Variants in IGF1R observed in about 807,000 individuals in gnomAD.
IGF1R encodes the protein insulin like growth factor 1 receptor.
Under a neutral mutation model 144.6 loss-of-function variants are expected in IGF1R, and 44 were observed. That is an observed-to-expected ratio of 0.30 (90% CI 0.24 to 0.39). The LOEUF (loss-of-function observed/expected upper bound fraction) is 0.39, where lower values mean the gene tolerates loss of function less well. Among genes scored for constraint, IGF1R ranks in the 10% least tolerant of loss-of-function variants. IGF1R has a pLI of 1.00. For missense variants in IGF1R, 1,355 were observed against 1,833.7 expected (o/e 0.74, Z 4.77); for synonymous variants, 795 against 722.8 (o/e 1.10, Z -1.60).
chr15:98,949,655 G>A (rs1029543897), intron 20 of IGF1R, among the ~76,000 whole-genome samples: 7 of 152,184 alleles, frequency 4.6e-5, no homozygotes, highest in African/African-American at 1.7e-4. Context: ...ACAGGCATGA[G>A]CCATCGCACC....
Position 98,648,894 on chromosome 15 carries a change from G to T in IGF1R, c.-688G>T. 6.7e-6 allele frequency: 1 copy of T among 148,896 alleles called. No homozygotes were observed. The highest frequency in any genetic ancestry group is 1.8e-4 in the South Asian group (1 of 5,414). The allele number at this position is 148,896 out of a possible 1,614,324, so 9.2% of individuals were successfully genotyped here. On this transcript the variant is annotated 5_prime_UTR_variant, in exon 1 of 21. Transcript: ENST00000650285. ...CGGGGGCCGGCGCGGGGCGGGCGGC[G>T]GCGCAGAGCCGGGCGGCGCGGCGGG...
intron 2 of IGF1R, among the ~76,000 whole-genome samples, chr15:98,762,176 A>C (rs1053225426): frequency 6.7e-6 from 1 of 148,730 alleles, no homozygotes; most frequent in African/African-American, 2.5e-5. Context: ...ATAGCATTGG[A>C]GGAATATATA....
intron 2 of IGF1R, among the ~76,000 whole-genome samples, chr15:98,721,493 T>C (rs2054245615): frequency 6.6e-6 from 1 of 152,196 alleles, no homozygotes; most frequent in Admixed American, 6.5e-5. Flanking sequence ...GTCCTCATAG[T>C]TCTCTTGGGG....
At chr15:98,690,628 T>A (rs1237618104) in intron 1 of IGF1R, among the ~76,000 whole-genome samples, 4 of 152,382 alleles carry the variant, frequency 2.6e-5, no homozygotes, top group South Asian at 4.1e-4. Context: ...AATATGTGAA[T>A]GTATGTTTCT....
Position 98,960,237 on chromosome 15 carries a change from C to T in IGF1R, c.*2795C>T, listed in dbSNP as rs1423922195. 3 of 233,516 alleles carry T rather than the reference C, an allele frequency of 1.3e-5. No individual in the cohort carries two copies. Among genetic ancestry groups the T allele is most frequent in the Admixed American group, 5.6e-5 (1 of 17,788 alleles). 14.5% of individuals were successfully genotyped at this position (233,516 alleles called of 1,614,324 possible). On this transcript the variant is annotated 3_prime_UTR_variant, in exon 21 of 21. Coordinates refer to ENST00000650285, the MANE Select transcript of IGF1R (RefSeq NM_000875.5). ...CGGGGTCAAAGCAACACTAACTCAC[C>T]TCTCTGCTCATTTCAGACAGCTTGC...
Position 98,924,587 on chromosome 15 carries a change from G to C in IGF1R, c.2685G>C (p.Arg895=). The C allele has an allele frequency of 2.5e-6, 4 of 1,614,086 alleles. No homozygotes were observed. The highest frequency in any genetic ancestry group is 3.4e-6 in the Non-Finnish European group (4 of 1,179,944). ...YRKYGGAKLN[R]LNPGNYTARI... ...AGTATGGAGGGGCCAAGCTAAACCG[G>C]CTAAACCCGGGGAACTACACAGCCC... The change falls in exon 13 of 21, where the codon CGG becomes CGC. Residue 895 remains arginine, a synonymous_variant. Coordinates refer to ENST00000650285, the MANE Select transcript of IGF1R (RefSeq NM_000875.5).
Position 98,964,075 on chromosome 15 carries a change from T to C in IGF1R, c.*6633T>C. ...CTGTCTGCTTTCTAAGCCAGTGAGGTTGAGGTGAGAGGTTTGCCAGAGTTT... is the reference window on the plus strand; with the variant it reads ...CTGTCTGCTTTCTAAGCCAGTGAGGCTGAGGTGAGAGGTTTGCCAGAGTTT... On this transcript the variant is annotated 3_prime_UTR_variant, in exon 21 of 21. Transcript: ENST00000650285. 1 of 233,156 alleles carries C rather than the reference T, an allele frequency of 4.3e-6. No individual in the cohort carries two copies. The highest frequency in any genetic ancestry group is 2.2e-5 in the African/African-American group (1 of 45,394). 14.4% of individuals were successfully genotyped at this position (233,156 alleles called of 1,614,324 possible).
intron 2 of IGF1R, among the ~76,000 whole-genome samples, chr15:98,794,081 A>G (rs1456483672): frequency 7.9e-5 from 12 of 152,226 alleles, no homozygotes; most frequent in Admixed American, 7.9e-4. Context: ...TTGGTCACAA[A>G]TGGCAGTGTC....
chr15:98,725,876 A>G (rs2054347342), intron 2 of IGF1R, among the ~76,000 whole-genome samples: 2 of 152,220 alleles, frequency 1.3e-5, no homozygotes, highest in Admixed American at 6.5e-5. Flanking sequence ...TGATAAACCC[A>G]TCAGATCTCG....
intron 1 of IGF1R, among the ~76,000 whole-genome samples, chr15:98,655,173 T>C (rs924163697): frequency 6.8e-6 from 1 of 146,904 alleles, no homozygotes; most frequent in Admixed American, 6.9e-5. Context: ...GAATATAAAA[T>C]GGTTAGTAAA....
chr15:98,732,810 G>T (rs929803671), intron 2 of IGF1R, among the ~76,000 whole-genome samples: 4 of 152,148 alleles, frequency 2.6e-5, no homozygotes, highest in African/African-American at 9.7e-5. Context: ...GAGTGAGCTG[G>T]TCTAGGAGGT....
intron 2 of IGF1R, among the ~76,000 whole-genome samples, chr15:98,747,138 T>C (rs2054887880): frequency 6.6e-6 from 1 of 152,230 alleles, no homozygotes; most frequent in Non-Finnish European, 1.5e-5. Context: ...CTTCAAACTA[T>C]AGCTCTATCA....
intron 2 of IGF1R, among the ~76,000 whole-genome samples, chr15:98,878,685 AAAAAAAAAAAC>A (rs2013196554): frequency 3.1e-5 from 4 of 128,734 alleles, no homozygotes; most frequent in South Asian, 2.3e-4. Context: ...AAAAAAAAAA[AAAAAAAAAAAC>A]AACAACAAAA....
chr15:98,726,781 G>T (rs543006814), intron 2 of IGF1R, among the ~76,000 whole-genome samples: 20 of 139,452 alleles, frequency 1.4e-4, no homozygotes, highest in African/African-American at 4.8e-4. Context: ...GTGCAATGGT[G>T]TGATCTTGGC....
chr15:98,922,003 T>C (rs1269791471), intron 10 of IGF1R, 145 bp from the exon 11 acceptor site: 8 of 780,318 alleles, frequency 1.0e-5, no homozygotes, highest in Non-Finnish European at 1.5e-5. Flanking sequence ...AGGACATCCC[T>C]GTGTTATTCA....
intron 2 of IGF1R, among the ~76,000 whole-genome samples, chr15:98,836,173 G>C (rs1261388398): frequency 2.0e-5 from 3 of 149,802 alleles, no homozygotes; most frequent in African/African-American, 7.6e-5. Context: ...GGGAGAAACT[G>C]AACTGATTTT....
At chr15:98,943,158 G>T in intron 19 of IGF1R, 106 bp downstream of exon 19, 1 of 1,296,848 alleles carries the variant, frequency 7.7e-7, no homozygotes, top group East Asian at 2.3e-5. Context: ...GTTACCCGTT[G>T]CCAGCTTTAG....
intron 8 of IGF1R, among the ~76,000 whole-genome samples, chr15:98,914,640 C>G (rs1567195886): frequency 6.6e-6 from 1 of 152,102 alleles, no homozygotes; most frequent in Non-Finnish European, 1.5e-5. Flanking sequence ...CAGCAATTCA[C>G]TGTAGTGTTT....
At chr15:98,716,557 G>A (rs1179085691) in intron 2 of IGF1R, among the ~76,000 whole-genome samples, 2 of 152,190 alleles carry the variant, frequency 1.3e-5, no homozygotes, top group African/African-American at 4.8e-5. Context: ...TAAGCTGGAT[G>A]TTACAATGAG....
Sources: gnomAD v4.1 joint callset for allele counts (sites outside exome capture counted in the v4.1 genomes callset) on GRCh38, gnomAD v4.1.1 for gene constraint, MANE v1.5 for transcripts, NCBI Gene and HGNC (gene_info 2026-07-23, HGNC 2026-07-21) for gene names.